Variants in MYH16 observed in about 807,000 individuals in gnomAD.
MYH16 encodes myosin heavy chain 16.
intron 23 of MYH16, 58 bp downstream of exon 5, chr7:99,281,038 T>C: frequency 3.7e-6 from 1 of 273,124 alleles, no homozygotes; most frequent in Non-Finnish European, 7.5e-6. Context: ...ACAATGTGCT[T>C]TCCATTGGAG....
chr7:99,278,370 T>A (rs1792148005), intron 21 of MYH16, among the ~76,000 whole-genome samples: 1 of 152,164 alleles, frequency 6.6e-6, no homozygotes, highest in Non-Finnish European at 1.5e-5. Flanking sequence ...GAGTCAGGGC[T>A]GGGCTCTGCC....
chr7:99,264,881 G>A (rs541000978), intron 15 of MYH16, among the ~76,000 whole-genome samples: 1 of 152,320 alleles, frequency 6.6e-6, no homozygotes, highest in South Asian at 2.1e-4. Flanking sequence ...GGCCCCTTGA[G>A]CAAGTCATTG....
At chr7:99,279,882 T>C (rs1792177760) in intron 22 of MYH16, 145 bp downstream of exon 4, 1 of 355,590 alleles carries the variant, frequency 2.8e-6, no homozygotes. Flanking sequence ...TTTGTTTGTT[T>C]TGCGACAGAG....
chr7:99,255,609 AG>A (rs1791861885), exon 9 of MYH16: 1 of 152,812 alleles, frequency 6.5e-6, no homozygotes, highest in East Asian at 1.9e-4. Flanking sequence ...CCCAACCCTA[AG>A]GAATACCACT....
chr7:99,285,051 G>C, intron 26 of MYH16, 116 bp downstream of exon 8: 1 of 428,700 alleles, frequency 2.3e-6, no homozygotes, highest in Non-Finnish European at 4.7e-6. Context: ...CTGCCATAGA[G>C]TCCTTGGAGA....
intron 9 of MYH16, among the ~76,000 whole-genome samples, chr7:99,256,422 T>A (rs1264691341): frequency 6.6e-6 from 1 of 151,440 alleles, no homozygotes; most frequent in South Asian, 2.1e-4. Flanking sequence ...TCAGCCATGA[T>A]CATGCCACCG....
intron 15 of MYH16, among the ~76,000 whole-genome samples, chr7:99,264,853 C>G (rs1200039940): frequency 6.6e-6 from 1 of 152,196 alleles, no homozygotes. Context: ...TGGAGGGGCC[C>G]CACTTCTTGC....
At chr7:99,260,082 C>T in intron 11 of MYH16, 1 of 1,284,742 alleles carries the variant, frequency 7.8e-7, no homozygotes, top group Non-Finnish European at 1.1e-6. Context: ...TTTTGCTTTG[C>T]TTGTGGTCGC....
chr7:99,283,778 C>T (rs1792237418), intron 24 of MYH16, 95 bp from the exon 7 acceptor site: 1 of 430,894 alleles, frequency 2.3e-6, no homozygotes. Flanking sequence ...CCTTCTGATG[C>T]CACAGCTAAA....
At chr7:99,275,092 C>G (rs1562779592) in intron 20 of MYH16, among the ~76,000 whole-genome samples, 1 of 152,108 alleles carries the variant, frequency 6.6e-6, no homozygotes, top group African/African-American at 2.4e-5. Context: ...ACTCCGGGCT[C>G]AAGCGATCCT....
chr7:99,239,997 A>G lies in MYH16; in HGVS notation n.210+959A>G, dbSNP rs1300125213. 4.0e-5 allele frequency among the ~76,000 whole-genome samples: 6 copies of G among 149,922 alleles called. No individual in the cohort carries two copies. The East Asian group carries it at 1.2e-3, about 29-fold the overall frequency. On this transcript the variant is annotated intron_variant and non_coding_transcript_variant, in intron 1 of 41. Transcript: ENST00000439784. The stretch of plus-strand genomic sequence containing the variant: ...CAGGAGTTTGAGACTGTCCTGGGCA[A>G]CTTGGTGAGACCCTATCTTTATTTT...
chr7:99,241,129 G>A (rs745814071), intron 1 of MYH16, among the ~76,000 whole-genome samples: 1 of 152,182 alleles, frequency 6.6e-6, no homozygotes. Context: ...AGACAGTGCC[G>A]GCCAGCCGGG....
intron 13 of MYH16, among the ~76,000 whole-genome samples, chr7:99,262,788 T>C (rs908822315): frequency 3.3e-5 from 5 of 152,104 alleles, no homozygotes; most frequent in African/African-American, 1.2e-4. Context: ...GAGCCCCCTT[T>C]CCATCAGCCA....
At chr7:99,241,665 G>A (rs964126923) in intron 1 of MYH16, among the ~76,000 whole-genome samples, 3 of 152,144 alleles carry the variant, frequency 2.0e-5, no homozygotes, top group Admixed American at 2.0e-4. Context: ...GGGAGTGGGG[G>A]TGGATTTTCC....
intron 18 of MYH16, among the ~76,000 whole-genome samples, chr7:99,268,769 A>G (rs915529573): frequency 6.6e-6 from 1 of 152,202 alleles, no homozygotes; most frequent in African/African-American, 2.4e-5. Context: ...ATATCAGGAA[A>G]TGTTTTATGA....
intron 19 of MYH16, among the ~76,000 whole-genome samples, 171 bp from the exon 1 acceptor site, chr7:99,272,667 AG>A (rs1792061531): frequency 6.6e-6 from 1 of 152,008 alleles, no homozygotes; most frequent in East Asian, 1.9e-4. Flanking sequence ...GGATTGCTTG[AG>A]CCAGGGAGTA....
chr7:99,265,367 A>G (rs1388917786), intron 16 of MYH16, among the ~76,000 whole-genome samples: 1 of 152,220 alleles, frequency 6.6e-6, no homozygotes, highest in Non-Finnish European at 1.5e-5. Flanking sequence ...ATAAAGCAGA[A>G]TGGTGCCCAG....
chr7:99,290,814 AAAAAAT>A (rs1386993178), intron 30 of MYH16: 1 of 152,104 alleles, frequency 6.6e-6, no homozygotes, highest in African/African-American at 2.4e-5. Context: ...AAAAAAAAAA[AAAAAAT>A]CAATATCCCC....
At chr7:99,269,865 CTTTTT>C (rs983455403) in intron 18 of MYH16, among the ~76,000 whole-genome samples, 7,621 of 107,208 alleles carry the variant, frequency 0.071, 354 homozygotes, top group African/African-American at 0.24. Flanking sequence ...TCTGGGGACA[CTTTTT>C]TTTTTTTTTT....
Sources: gnomAD v4.1 joint callset for allele counts (sites outside exome capture counted in the v4.1 genomes callset) on GRCh38, gnomAD v4.1.1 for gene constraint, MANE v1.5 for transcripts, NCBI Gene and HGNC (gene_info 2026-07-23, HGNC 2026-07-21) for gene names.